The following ERC1 variants were observed in gnomAD, a reference collection of about 807,000 sequenced individuals.
ERC1 encodes ELKS/RAB6-interacting/CAST family member 1.
In ERC1, 56 loss-of-function variants were observed where a neutral mutation model predicts 132.0. The observed-to-expected ratio is 0.42, with a 90% CI of 0.34 to 0.53. ERC1 has a LOEUF of 0.53. Among genes scored for constraint, ERC1 ranks in the 20% least tolerant of loss-of-function variants. The pLI is 0.03. For missense variants in ERC1, 1,202 were observed against 1,349.9 expected (o/e 0.89, Z 1.72); for synonymous variants, 478 against 476.1 (o/e 1.00, Z -0.05).
At chr12:1,393,230 T>C (rs1340198527) in intron 16 of ERC1, among the ~76,000 whole-genome samples, 1 of 152,256 alleles carries the variant, frequency 6.6e-6, no homozygotes, top group African/African-American at 2.4e-5. Context: ...TCAGAACATC[T>C]AGCTTTAAGA....
rs146994177 is a variant in ERC1 at position 1,484,940 on chromosome 12, A to G, written c.3214-5153A>G. On this transcript the variant is annotated intron_variant, in intron 18 of 18. Transcript: ENST00000360905. The stretch of plus-strand genomic sequence containing the variant: ...GTGTTGCGCAGGCTAGAGTGCAGCA[A>G]TACAATCACATAGCTCATTGCAGCC... Among the ~76,000 whole-genome samples, 712 of 150,050 alleles carry G rather than the reference A, an allele frequency of 4.7e-3. 2 individuals are homozygous for G. Among genetic ancestry groups the G allele is most frequent in the African/African-American group, 0.016 (672 of 40,756 alleles).
At chr12:1,025,550 G>A (rs1046643223) in intron 1 of ERC1, among the ~76,000 whole-genome samples, 1 of 152,024 alleles carries the variant, frequency 6.6e-6, no homozygotes, top group Admixed American at 6.6e-5. Flanking sequence ...CCTAACTCAA[G>A]TTCACAAGGA....
At chr12:1,305,016 C>T (rs1009187792) in intron 15 of ERC1, among the ~76,000 whole-genome samples, 5 of 151,800 alleles carry the variant, frequency 3.3e-5, no homozygotes, top group Non-Finnish European at 7.4e-5. Context: ...TCTCGATCTC[C>T]GGATCCACCC....
chr12:1,296,545 C>A (rs113284161), intron 15 of ERC1, among the ~76,000 whole-genome samples: 6,064 of 151,480 alleles, frequency 0.04, 237 homozygotes, highest in Admixed American at 0.11. Flanking sequence ...TCCCGAGTAG[C>A]TGGGATTACA....
chr12:1,269,281 G>C (rs909773070), intron 14 of ERC1, among the ~76,000 whole-genome samples: 4 of 152,212 alleles, frequency 2.6e-5, no homozygotes, highest in African/African-American at 9.7e-5. Context: ...CTTGAAAGTT[G>C]GAGGGTTAGC....
chr12:1,370,891 C>A (rs371221681), intron 15 of ERC1, among the ~76,000 whole-genome samples: 1 of 152,112 alleles, frequency 6.6e-6, no homozygotes, highest in African/African-American at 2.4e-5. Flanking sequence ...CCGCACCCAG[C>A]TAATTTTTGT....
At chr12:1,305,310 C>A (rs2080796327) in intron 15 of ERC1, among the ~76,000 whole-genome samples, 2 of 152,252 alleles carry the variant, frequency 1.3e-5, no homozygotes, top group South Asian at 2.1e-4. Context: ...CTTTTCCTAC[C>A]CATAGCCTAA....
At chr12:1,187,101 G>A (rs1170399483) in intron 11 of ERC1, among the ~76,000 whole-genome samples, 1 of 152,150 alleles carries the variant, frequency 6.6e-6, no homozygotes, top group Non-Finnish European at 1.5e-5. Flanking sequence ...AAAGTGATGG[G>A]GTGACAGGCG....
intron 1 of ERC1, among the ~76,000 whole-genome samples, chr12:997,432 A>C (rs1961162978): frequency 6.6e-6 from 1 of 152,204 alleles, no homozygotes; most frequent in African/African-American, 2.4e-5. Flanking sequence ...ATGCTAGCAT[A>C]ATAATGTGAA....
chr12:1,311,185 C>G (rs757382293), intron 15 of ERC1, among the ~76,000 whole-genome samples: 3 of 152,150 alleles, frequency 2.0e-5, no homozygotes, highest in Non-Finnish European at 4.4e-5. Flanking sequence ...AACAGATACA[C>G]CAGGGTTTGA....
At chr12:1,404,260 C>T (rs2091298731) in intron 16 of ERC1, among the ~76,000 whole-genome samples, 1 of 151,984 alleles carries the variant, frequency 6.6e-6, no homozygotes, top group Non-Finnish European at 1.5e-5. Context: ...TCCCTCGGGC[C>T]TTTTTCCAAG....
intron 15 of ERC1, among the ~76,000 whole-genome samples, chr12:1,314,353 A>T (rs1357111199): frequency 6.6e-6 from 1 of 152,198 alleles, no homozygotes; most frequent in East Asian, 1.9e-4. Flanking sequence ...ACAAAAGAAG[A>T]TTAAATTTAA....
intron 9 of ERC1, among the ~76,000 whole-genome samples, chr12:1,181,128 T>G (rs2154270736): frequency 6.6e-6 from 1 of 152,310 alleles, no homozygotes; most frequent in Admixed American, 6.5e-5. Flanking sequence ...GCTCTGATTT[T>G]CAAACTTCTT....
intron 1 of ERC1, among the ~76,000 whole-genome samples, chr12:1,017,194 A>G (rs1965658370): frequency 1.3e-5 from 2 of 151,762 alleles, no homozygotes; most frequent in Admixed American, 6.6e-5. Flanking sequence ...ACGGGGTTTC[A>G]CCATGCTGGT....
intron 13 of ERC1, among the ~76,000 whole-genome samples, chr12:1,254,088 A>G (rs143985882): frequency 3.0e-4 from 46 of 152,330 alleles, no homozygotes; most frequent in African/African-American, 1.1e-3. Context: ...ATGGTAGGAA[A>G]AATGGTCTGG....
Position 1,280,786 on chromosome 12 carries a change from A to G in ERC1, c.2620-9066A>G, listed in dbSNP as rs540614999. Among the ~76,000 whole-genome samples, 4 of 152,358 alleles carry G rather than the reference A, an allele frequency of 2.6e-5. No individual in the cohort carries two copies. In the East Asian group the frequency reaches 7.7e-4, roughly 29 times the overall value. ...TTATACACGCACTTACGTGATGTTT[A>G]TGAGTTTCCCTCTTGGTGTCCTAGG... On this transcript the variant is annotated intron_variant, in intron 14 of 18. Coordinates refer to ENST00000360905, the MANE Select transcript of ERC1 (RefSeq NM_178040.4).
intron 17 of ERC1, among the ~76,000 whole-genome samples, chr12:1,432,140 A>C (rs536911969): frequency 6.6e-6 from 1 of 152,136 alleles, no homozygotes; most frequent in Non-Finnish European, 1.5e-5. Flanking sequence ...CGACCTCCCA[A>C]AGTGCTGGGA....
intron 17 of ERC1, among the ~76,000 whole-genome samples, chr12:1,427,236 C>T (rs892221131): frequency 2.0e-5 from 3 of 152,206 alleles, no homozygotes; most frequent in African/African-American, 7.2e-5. Context: ...GCAGACACTA[C>T]ACATACTGTG....
chr12:1,110,693 T>C (rs903018137), intron 5 of ERC1, among the ~76,000 whole-genome samples: 5 of 152,186 alleles, frequency 3.3e-5, no homozygotes, highest in Non-Finnish European at 7.4e-5. Flanking sequence ...TTGTGAATTA[T>C]TTAAAAAGTC....
Sources: allele counts gnomAD v4.1 joint callset (sites outside exome capture counted in the v4.1 genomes callset), GRCh38; gene constraint gnomAD v4.1.1; transcripts MANE v1.5; gene names NCBI Gene and HGNC (gene_info 2026-07-23, HGNC 2026-07-21).